EPB41L4A: variants seen among roughly 807,000 people sequenced by gnomAD.
The protein encoded by EPB41L4A is erythrocyte membrane protein band 4.1 like 4A.
EPB41L4A carries 100 observed loss-of-function variants against 108.6 expected under a neutral mutation model. The ratio of observed to expected loss-of-function variants is 0.92; its 90% CI spans 0.78 to 1.09. EPB41L4A has a LOEUF of 1.09. EPB41L4A is among the 50% of genes least tolerant of loss of function. EPB41L4A has a pLI of 0.00. For synonymous variants in EPB41L4A, 319 were observed against 289.0 expected (o/e 1.10, Z -1.05); for missense variants, 1,030 against 842.7 (o/e 1.22, Z -2.75).
At chr5:112,198,669 A>G (rs1230438389) in intron 15 of EPB41L4A, among the ~76,000 whole-genome samples, 1 of 151,978 alleles carries the variant, frequency 6.6e-6, no homozygotes, top group Non-Finnish European at 1.5e-5. Flanking sequence ...TCTTATTTCC[A>G]TACATTTGTT....
intron 17 of EPB41L4A, among the ~76,000 whole-genome samples, chr5:112,190,942 T>C (rs1761666921): frequency 6.6e-6 from 1 of 151,924 alleles, no homozygotes; most frequent in Non-Finnish European, 1.5e-5. Context: ...GTGAGAATAA[T>C]ATGATATAAA....
chr5:112,367,100 A>G (rs1053467696), intron 1 of EPB41L4A, among the ~76,000 whole-genome samples: 14 of 152,190 alleles, frequency 9.2e-5, no homozygotes. Context: ...TCCACATTAA[A>G]GACAGGGACA....
intron 1 of EPB41L4A, among the ~76,000 whole-genome samples, chr5:112,307,821 T>G (rs757003828): frequency 6.6e-6 from 1 of 152,102 alleles, no homozygotes; most frequent in African/African-American, 2.4e-5. Context: ...ATCTAATAAA[T>G]GCATCAAAAA....
chr5:112,415,316 G>C lies in EPB41L4A; in HGVS notation c.99+3625C>G, dbSNP rs182503146. Among the ~76,000 whole-genome samples the C allele has an allele frequency of 5.9e-5, 9 of 152,146 alleles. No individual in the cohort carries two copies. The East Asian group carries it at 1.5e-3, about 26-fold the overall frequency. On this transcript the variant is annotated intron_variant, in intron 1 of 22. Coordinates refer to ENST00000261486, the MANE Select transcript of EPB41L4A (RefSeq NM_022140.5). The stretch of plus-strand genomic sequence containing the variant: ...ACACTTTAACTGGGCGAAATGTATG[G>C]TATACCTTAACAAAGCCATTTAAAA...
intron 2 of EPB41L4A, among the ~76,000 whole-genome samples, chr5:112,289,148 G>A (rs1753483267): frequency 6.6e-6 from 1 of 152,136 alleles, no homozygotes; most frequent in African/African-American, 2.4e-5. Context: ...AGTATATGGT[G>A]TAGTGATGGA....
At position 112,204,372 on chromosome 5, in the gene EPB41L4A, TA is replaced by T. The variant is rs1762364898; in HGVS notation, c.1376+2del. 6.3e-7 allele frequency: 1 copy of T among 1,599,950 alleles called. No homozygotes were observed. Among genetic ancestry groups the T allele is most frequent in the Admixed American group, 1.7e-5 (1 of 59,978 alleles). On this transcript the variant is annotated splice_donor_variant, in intron 15 of 22. Transcript: ENST00000261486. LOFTEE classifies it high-confidence loss of function. ...GCTAACAGAGAGATTGTGTTCCGCTTACCTCCTCCTCACAGGCTGTACAGAA... is the reference window on the plus strand; with the variant it reads ...GCTAACAGAGAGATTGTGTTCCGCTTCCTCCTCCTCACAGGCTGTACAGAA...
intron 1 of EPB41L4A, among the ~76,000 whole-genome samples, chr5:112,380,888 T>A (rs796435330): frequency 6.6e-6 from 1 of 151,964 alleles, no homozygotes. Context: ...GCCACTGATA[T>A]TTAGAAACCA....
At position 112,240,722 on chromosome 5, in the gene EPB41L4A, A is replaced by C. The variant is rs1749722100; in HGVS notation, c.884T>G (p.Phe295Cys). 1 of 1,528,510 alleles carries C rather than the reference A, an allele frequency of 6.5e-7. No homozygotes were observed. Among genetic ancestry groups the C allele is most frequent in the African/African-American group, 1.4e-5 (1 of 69,974 alleles). 94.7% of individuals were successfully genotyped at this position (1,528,510 alleles called of 1,614,324 possible). ...CAAAATTTTTACATCAATTTACCTAAAAAATGTATGATGTTCCACACTGCA... is the reference window on the plus strand; with the variant it reads ...CAAAATTTTTACATCAATTTACCTACAAAATGTATGATGTTCCACACTGCA... ...WKCSVEHHTF[F>C]RMPENESNSL... Residue 295 changes from phenylalanine to cysteine, a missense_variant, in exon 10 of 23, where the codon TTT becomes TGT. Phe to Cys is a radical substitution (Grantham distance 205). Coordinates refer to ENST00000261486, the MANE Select transcript of EPB41L4A (RefSeq NM_022140.5).
At chr5:112,159,562 T>G (rs1036294681), downstream of EPB41L4A, among the ~76,000 whole-genome samples, 1 of 152,232 alleles carries the variant, frequency 6.6e-6, no homozygotes, top group Non-Finnish European at 1.5e-5. Flanking sequence ...GCCTTGCTCC[T>G]GCCTGGCTCT....
At chr5:112,208,041 A>G (rs1010516550) in intron 13 of EPB41L4A, among the ~76,000 whole-genome samples, 17 of 152,094 alleles carry the variant, frequency 1.1e-4, no homozygotes, top group Non-Finnish European at 2.4e-4. Flanking sequence ...AGGTCAAGAG[A>G]TGCAGACCAT....
chr5:112,305,092 A>G (rs911081067), intron 2 of EPB41L4A, among the ~76,000 whole-genome samples: 9 of 152,126 alleles, frequency 5.9e-5, no homozygotes, highest in Admixed American at 6.6e-5. Flanking sequence ...AGGATATTAC[A>G]GTGTTTGAAA....
At chr5:112,334,884 A>G (rs1756818264) in intron 1 of EPB41L4A, among the ~76,000 whole-genome samples, 1 of 152,180 alleles carries the variant, frequency 6.6e-6, no homozygotes, top group Non-Finnish European at 1.5e-5. Flanking sequence ...TAAGAAAATA[A>G]AAACTGATAT....
chr5:112,182,801 A>G (rs1394337699), intron 18 of EPB41L4A, among the ~76,000 whole-genome samples: 1 of 114,812 alleles, frequency 8.7e-6, no homozygotes. Context: ...TTTTTTTTTA[A>G]TGGAGTTGGG....
intron 1 of EPB41L4A, among the ~76,000 whole-genome samples, chr5:112,399,729 C>G (rs1450065851): frequency 6.6e-6 from 1 of 152,200 alleles, no homozygotes; most frequent in Non-Finnish European, 1.5e-5. Flanking sequence ...CGTCTTAAAT[C>G]CCCTTAATGG....
chr5:112,396,909 G>A (rs140506894), intron 1 of EPB41L4A, among the ~76,000 whole-genome samples: 271 of 152,328 alleles, frequency 1.8e-3, no homozygotes, highest in African/African-American at 6.2e-3. Flanking sequence ...CATGGTGCAA[G>A]TAATATGATT....
chr5:112,231,543 T>C (rs1439070088), intron 12 of EPB41L4A, among the ~76,000 whole-genome samples: 1 of 147,374 alleles, frequency 6.8e-6, no homozygotes, highest in Non-Finnish European at 1.5e-5. Context: ...CCCAGCACTT[T>C]GGGAGGCCGA....
intron 13 of EPB41L4A, among the ~76,000 whole-genome samples, chr5:112,207,375 A>G (rs1026530859): frequency 3.9e-5 from 6 of 152,232 alleles, no homozygotes; most frequent in Non-Finnish European, 8.8e-5. Context: ...GCCTTGGTGA[A>G]GAATTTATAA....
intron 18 of EPB41L4A, among the ~76,000 whole-genome samples, chr5:112,176,342 A>G (rs1760859616): frequency 6.6e-6 from 1 of 152,238 alleles, no homozygotes; most frequent in Non-Finnish European, 1.5e-5. Flanking sequence ...AGTTTGTGCT[A>G]TATGAAGTAA....
In EPB41L4A at chr5:112,396,428, CA is replaced by C. The variant is rs201864014; in HGVS notation, c.99+22512del. Among the ~76,000 whole-genome samples the C allele has an allele frequency of 7.6e-3, 1,162 of 152,292 alleles. 22 individuals are homozygous for C. The highest frequency in any genetic ancestry group is 0.036 in the East Asian group (189 of 5,184). ...TCTATCAGACACTGGAGGACAACTA[CA>C]TGGCACTACTGCTGTATAACAAATT... On this transcript the variant is annotated intron_variant, in intron 1 of 22. Transcript: ENST00000261486.
Sources: allele counts gnomAD v4.1 joint callset (sites outside exome capture counted in the v4.1 genomes callset), GRCh38; gene constraint gnomAD v4.1.1; transcripts MANE v1.5; gene names NCBI Gene and HGNC (gene_info 2026-07-23, HGNC 2026-07-21).